HTR3D: variants seen among roughly 807,000 people sequenced by gnomAD.
The protein encoded by HTR3D is 5-hydroxytryptamine receptor 3D.
HTR3D carries 47 observed loss-of-function variants against 45.8 expected under a neutral mutation model. The observed-to-expected ratio is 1.03, with a 90% CI of 0.81 to 1.31. The LOEUF (loss-of-function observed/expected upper bound fraction) is 1.31, where lower values mean the gene tolerates loss of function less well. Among genes scored for constraint, HTR3D ranks in the 50% most tolerant of loss-of-function variants. The probability of loss-of-function intolerance (pLI) is 0.00; values close to 1 mark genes in which losing one functional copy is unlikely to be tolerated. For synonymous variants in HTR3D, 203 were observed against 199.8 expected (o/e 1.02, Z -0.13); for missense variants, 448 against 506.9 (o/e 0.88, Z 1.12).
chr3:184,038,210 G>C lies in HTR3D; in HGVS notation c.706G>C (p.Ala236Pro). 1.2e-6 allele frequency: 2 copies of C among 1,614,160 alleles called. No homozygotes were observed. The highest frequency in any genetic ancestry group is 1.7e-6 in the Non-Finnish European group (2 of 1,180,026). Residue 236 changes from alanine (A) to proline (P), a missense_variant, in exon 6 of 8, where the codon GCC becomes CCC. Coordinates refer to ENST00000428798, the MANE Select transcript of HTR3D (RefSeq NM_001145143.1). This position sits in a 1 kb window ranked among gnomAD's most constrained non-coding sequence, Gnocchi z 4.5. Reference sequence around the variant, plus strand: ...GCTCATGATGAATGACTTGCTCCCAGCCACTAGCACTTCATCACATGCTTC... The same window carrying C: ...GCTCATGATGAATGACTTGCTCCCACCCACTAGCACTTCATCACATGCTTC... Reference protein sequence around the residue: ...FLLMMNDLLPATSTSSHASLV... With the variant: ...FLLMMNDLLPPTSTSSHASLV...
rs1003482854 is a variant in HTR3D at position 184,035,204 on chromosome 3, G to A, written c.93G>A (p.Ser31=). Residue 31 remains serine, a synonymous_variant, in exon 2 of 8, where the codon TCG becomes TCA. Transcript: ENST00000428798. The part of the protein sequence containing the change: ...LQDSHLQLVT[S]FLWLNMWNPD... ...ATTCACACCTTCAACTGGTGACATCGTTCCTGTGGCTAAATATGGTATGAC... is the reference window on the plus strand; with the variant it reads ...ATTCACACCTTCAACTGGTGACATCATTCCTGTGGCTAAATATGGTATGAC... 1.7e-5 allele frequency: 26 copies of A among 1,552,026 alleles called. No homozygotes were observed. Among genetic ancestry groups the A allele is most frequent in the Admixed American group, 3.9e-5 (2 of 50,960 alleles).
chr3:184,037,288 C>T (rs1328850377), intron 5 of HTR3D, among the ~76,000 whole-genome samples: 2 of 152,140 alleles, frequency 1.3e-5, no homozygotes, highest in Admixed American at 6.6e-5. Context: ...ATCTGCCTGC[C>T]TCGGCCTCCC....
rs551058430 is a variant in HTR3D at position 184,036,280 on chromosome 3, C to A, written c.198-95C>A. 5.6e-5 allele frequency: 85 copies of A among 1,526,150 alleles called. No homozygotes were observed. In the East Asian group the frequency reaches 1.4e-3, roughly 25 times the overall value. The allele number at this position is 1,526,150 out of a possible 1,614,324, so 94.5% of individuals were successfully genotyped here. ...AGCAGTCATCTGAGTGGGGCTGGAG[C>A]TCGAGAATGGGATGACCTGACAGAG... On this transcript the variant is annotated intron_variant, in intron 3 of 7. Transcript: ENST00000428798.
Position 184,038,263 on chromosome 3 carries a change from C to T in HTR3D, c.759C>T (p.Asp253=), listed in dbSNP as rs781445535. ...TAGTACGTCCTCATCCATCAAGAGA[C>T]CAAAAGCGAGGTGTGTGTTGGATGG... The part of the protein sequence containing the change: ...ASLVRPHPSR[D]QKRGVYFALC... Residue 253 remains aspartate, a synonymous_variant, in exon 6 of 8, where the codon GAC becomes GAT. Coordinates refer to ENST00000428798, the MANE Select transcript of HTR3D (RefSeq NM_001145143.1). The surrounding 1 kb of genome is among the most constrained non-coding windows in gnomAD (Gnocchi z 4.5). 1 of 1,614,044 alleles carries T rather than the reference C, an allele frequency of 6.2e-7. No homozygotes were observed. Among genetic ancestry groups the T allele is most frequent in the East Asian group, 2.2e-5 (1 of 44,886 alleles).
chr3:184,035,232 A>G lies in HTR3D; in HGVS notation c.111+10A>G. On this transcript the variant is annotated intron_variant, in intron 2 of 7. Transcript: ENST00000428798. ...CCTGTGGCTAAATATGGTATGACAGACTCAGTTTCCCCTTTCCTCTACTCT... is the reference window on the plus strand; with the variant it reads ...CCTGTGGCTAAATATGGTATGACAGGCTCAGTTTCCCCTTTCCTCTACTCT... 1 of 1,551,736 alleles carries G rather than the reference A, an allele frequency of 6.4e-7. No individual in the cohort carries two copies. The highest frequency in any genetic ancestry group is 8.7e-7 in the Non-Finnish European group (1 of 1,146,726).
In HTR3D at chr3:184,038,701, C is replaced by G. The variant is rs113100971; in HGVS notation, c.986-45C>G. ...CTCCTTCCCTGTCTCCCTCCCTCCA[C>G]AGGTGACATTTGCAGCCCATGGCTG... is the stretch of plus-strand genomic sequence containing the variant. On this transcript the variant is annotated intron_variant, in intron 7 of 7. Transcript: ENST00000428798. The surrounding 1 kb of genome is among the most constrained non-coding windows in gnomAD (Gnocchi z 4.5). 11 of 1,560,554 alleles carry G rather than the reference C, an allele frequency of 7.0e-6. No homozygotes were observed. The Admixed American group carries it at 2.1e-4, about 30-fold the overall frequency.
intron 1 of HTR3D, 183 bp from the exon 2 acceptor site, chr3:184,034,995 C>G (rs1033918107): frequency 2.2e-6 from 3 of 1,367,022 alleles, no homozygotes; most frequent in South Asian, 1.5e-5. Flanking sequence ...GACCTTCATA[C>G]TGTGTTTTTC....
At position 184,038,914 on chromosome 3, in the gene HTR3D, G is replaced by A. The variant is rs6789754; in HGVS notation, c.1154G>A (p.Arg385His). Residue 385 changes from arginine (R) to histidine (H), a missense_variant, in exon 8 of 8, where the codon CGC (arginine) becomes CAC (histidine). By Grantham distance (29) the Arg-to-His change is conservative. Transcript: ENST00000428798. This position sits in a 1 kb window ranked among gnomAD's most constrained non-coding sequence, Gnocchi z 4.5. The stretch of plus-strand genomic sequence containing the variant: ...CACGCGATGGACGCCCTGCTCTTCC[G>A]CCTCTACCTGCTCTTCATGGCCTCC... ...FSHAMDALLF[R>H]LYLLFMASSI... The A allele has an allele frequency of 0.59, 949,153 of 1,613,690 alleles. 282,736 individuals are homozygous for A. Among genetic ancestry groups the A allele is most frequent in the African/African-American group, 0.79 (59,342 of 74,942 alleles).
Position 184,038,155 on chromosome 3 carries a change from G to T in HTR3D, c.651G>T (p.Met217Ile). 1.2e-6 allele frequency: 2 copies of T among 1,614,178 alleles called. No individual in the cohort carries two copies. Among genetic ancestry groups the T allele is most frequent in the Non-Finnish European group, 1.7e-6 (2 of 1,180,042 alleles). ...GTGGGAATTGTGCCCCATTCAAGAT[G>T]ACTGTTCTGCTGGGCTACAGCGTCT... The part of the protein sequence containing the change: ...LESGNCAPFK[M>I]TVLLGYSVFL... The change falls in exon 6 of 8, where the codon ATG becomes ATT. Residue 217 changes from methionine (M) to isoleucine (I), a missense_variant. Transcript: ENST00000428798. This position sits in a 1 kb window ranked among gnomAD's most constrained non-coding sequence, Gnocchi z 4.5.
At position 184,037,024 on chromosome 3, in the gene HTR3D, G is replaced by A. The variant is rs117979317; in HGVS notation, c.516+128G>A. On this transcript the variant is annotated intron_variant, in intron 5 of 7. Coordinates refer to ENST00000428798, the MANE Select transcript of HTR3D (RefSeq NM_001145143.1). ...ATTACGGGCGTGAACCACGAAGCCC[G>A]GCCTTTGTCACTCTTTTTTTTTTTT... The A allele has an allele frequency of 5.7e-4, 466 of 815,924 alleles. 2 individuals carry two copies. In the East Asian group the frequency reaches 0.012, roughly 20 times the overall value. The allele number at this position is 815,924 out of a possible 1,614,324, so 50.5% of individuals were successfully genotyped here.
Position 184,036,758 on chromosome 3 carries a change from G to A in HTR3D, c.378G>A (p.Trp126Ter), listed in dbSNP as rs534644299. The change falls in exon 5 of 8, where the codon TGG (tryptophan) becomes TGA (stop). Residue 126 changes from tryptophan to a stop codon, truncating the protein, a stop_gained. Transcript: ENST00000428798. LOFTEE classifies it high-confidence loss of function. ...ALSPTQVTRA[W>*]RRMSRSFQIH... ...AGTGGAGAACACGAGCCCGGGCATG[G>A]AGAAGGATGTCCAGGAGCTTTCAAA... is the stretch of plus-strand genomic sequence containing the variant. 8.0e-5 allele frequency: 124 copies of A among 1,552,254 alleles called. No individual in the cohort carries two copies. In the African/African-American group the frequency reaches 1.3e-3, roughly 16 times the overall value.
Position 184,038,176 on chromosome 3 carries a change from C to T in HTR3D, c.672C>T (p.Ser224=), listed in dbSNP as rs55684978. The T allele has an allele frequency of 0.019, 30,916 of 1,614,134 alleles. 371 individuals carry two copies. Among genetic ancestry groups the T allele is most frequent in the Middle Eastern group, 0.061 (367 of 6,062 alleles). Residue 224 remains serine (S), a synonymous_variant, in exon 6 of 8, where the codon AGC becomes AGT. Coordinates refer to ENST00000428798, the MANE Select transcript of HTR3D (RefSeq NM_001145143.1). The surrounding 1 kb of genome is among the most constrained non-coding windows in gnomAD (Gnocchi z 4.5). ...PFKMTVLLGY[S]VFLLMMNDLL... is the part of the protein sequence containing the mutation. Reference sequence around the variant, plus strand: ...AGATGACTGTTCTGCTGGGCTACAGCGTCTTCCTGCTCATGATGAATGACT... The same window carrying T: ...AGATGACTGTTCTGCTGGGCTACAGTGTCTTCCTGCTCATGATGAATGACT...
intron 1 of HTR3D, chr3:184,033,141 A>G (rs1431868383): frequency 2.2e-5 from 20 of 915,050 alleles, no homozygotes; most frequent in Admixed American, 5.3e-5. Flanking sequence ...TTTTTTTGAG[A>G]TGGAGTCTTG....
intron 1 of HTR3D, 134 bp from the exon 2 acceptor site, chr3:184,035,044 C>T (rs1722847136): frequency 2.7e-6 from 4 of 1,504,020 alleles, no homozygotes; most frequent in Non-Finnish European, 3.6e-6. Context: ...TTTTGATCTA[C>T]ATCATTTTTC....
intron 4 of HTR3D, 90 bp downstream of exon 4, chr3:184,036,634 G>A: frequency 1.3e-6 from 2 of 1,588,542 alleles, no homozygotes; most frequent in Non-Finnish European, 1.7e-6. Context: ...AGGGAATCTT[G>A]CTGAAAAGGG....
intron 1 of HTR3D, 132 bp downstream of exon 1, chr3:184,031,939 C>A: frequency 1.5e-6 from 1 of 647,158 alleles, no homozygotes. Flanking sequence ...GCTCGTGACA[C>A]TGATGGCTTT....
At chr3:184,033,878 C>A (rs1290611760) in intron 1 of HTR3D, among the ~76,000 whole-genome samples, 7 of 152,148 alleles carry the variant, frequency 4.6e-5, no homozygotes, top group Non-Finnish European at 8.8e-5. Flanking sequence ...GATTGTGCCA[C>A]TGCACTCTAG....
chr3:184,037,241 C>T (rs909044260), intron 5 of HTR3D, among the ~76,000 whole-genome samples: 3 of 151,700 alleles, frequency 2.0e-5, no homozygotes, highest in South Asian at 2.1e-4. Context: ...GGTTTCACCA[C>T]GTTCACCAGG....
At position 184,038,322 on chromosome 3, in the gene HTR3D, A is replaced by C. The variant is rs375655139; in HGVS notation, c.769+49A>C. 3.7e-6 allele frequency: 6 copies of C among 1,612,052 alleles called. No individual in the cohort carries two copies. The African/African-American group carries it at 8.0e-5, about 22-fold the overall frequency. ...ATGGGCAGAACCAGGCGAAGTGAAAAGGGATCCTGGAAAAAGATCCTCTGG... is the reference window on the plus strand; with the variant it reads ...ATGGGCAGAACCAGGCGAAGTGAAACGGGATCCTGGAAAAAGATCCTCTGG... On this transcript the variant is annotated intron_variant, in intron 6 of 7. Coordinates refer to ENST00000428798, the MANE Select transcript of HTR3D (RefSeq NM_001145143.1). This position sits in a 1 kb window ranked among gnomAD's most constrained non-coding sequence, Gnocchi z 4.5.
Sources: allele counts gnomAD v4.1 joint callset (sites outside exome capture counted in the v4.1 genomes callset), GRCh38; gene constraint gnomAD v4.1.1; non-coding constraint Gnocchi (gnomAD v3.1); transcripts MANE v1.5; gene names NCBI Gene and HGNC (gene_info 2026-07-23, HGNC 2026-07-21).